The following PTPA variants were observed in gnomAD, a reference collection of about 807,000 sequenced individuals.
PTPA encodes the protein serine/threonine-protein phosphatase 2A activator.
In PTPA, 13 loss-of-function variants were observed where a neutral mutation model predicts 43.6. The observed-to-expected ratio is 0.30, with a 90% CI of 0.19 to 0.47. PTPA has a LOEUF of 0.47. Among genes scored for constraint, PTPA ranks in the 20% least tolerant of loss-of-function variants. PTPA has a pLI of 0.99. For missense variants in PTPA, 329 were observed against 411.9 expected (o/e 0.80, Z 1.74); for synonymous variants, 172 against 158.2 (o/e 1.09, Z -0.66).
intron 1 of PTPA, among the ~76,000 whole-genome samples, chr9:129,112,227 A>G (rs982264411): frequency 6.6e-6 from 1 of 152,180 alleles, no homozygotes; most frequent in African/African-American, 2.4e-5. Context: ...TCTCTCCGGC[A>G]TCTCCTTCGG....
rs547651541 is a variant in PTPA at position 129,122,542 on chromosome 9, G to A, written c.130-510G>A. Among the ~76,000 whole-genome samples, 8 of 152,306 alleles carry A rather than the reference G, an allele frequency of 5.3e-5. No homozygotes were observed. In the East Asian group the frequency reaches 1.2e-3, roughly 22 times the overall value. On this transcript the variant is annotated intron_variant, in intron 2 of 9. Transcript: ENST00000393370. Reference sequence around the variant, plus strand: ...GCACTCCAACTAGACAGCCTGGCCCGCCTTTGGTCGCTGATTGCTGGGGGT... The same window carrying A: ...GCACTCCAACTAGACAGCCTGGCCCACCTTTGGTCGCTGATTGCTGGGGGT...
At chr9:129,111,723 G>C in intron 1 of PTPA, 92 bp downstream of exon 1, 1 of 1,240,956 alleles carries the variant, frequency 8.1e-7, no homozygotes, top group African/African-American at 1.6e-5. Flanking sequence ...GTCATGACAC[G>C]GAGGAACTGG....
At chr9:129,119,294 G>A (rs781763595) in intron 1 of PTPA, among the ~76,000 whole-genome samples, 1 of 150,730 alleles carries the variant, frequency 6.6e-6, no homozygotes, top group Non-Finnish European at 1.5e-5. Flanking sequence ...ACCACACCTA[G>A]CCAGATGTTT....
Position 129,142,288 on chromosome 9 carries a change from G to A in PTPA, c.787-157G>A, listed in dbSNP as rs1850918948. 5 of 600,616 alleles carry A rather than the reference G, an allele frequency of 8.3e-6. No individual in the cohort carries two copies. The South Asian group carries it at 1.2e-4, about 14-fold the overall frequency. 37.2% of individuals were successfully genotyped at this position (600,616 alleles called of 1,614,324 possible). A position where few individuals can be genotyped will look rare whatever the true frequency, so the allele number is the denominator to read the frequency against. The stretch of plus-strand genomic sequence containing the variant: ...TTGTATGTTTGCCCCTCAGGCAGAT[G>A]CTATAGCTTGGTCCCCAAGTGTCTG... On this transcript the variant is annotated intron_variant, in intron 8 of 9. Coordinates refer to ENST00000393370, the MANE Select transcript of PTPA (RefSeq NM_178000.3).
At chr9:129,143,910 G>A (rs1271226786) in intron 9 of PTPA, among the ~76,000 whole-genome samples, 1 of 151,638 alleles carries the variant, frequency 6.6e-6, no homozygotes, top group Non-Finnish European at 1.5e-5. Context: ...ACTCTGCTGT[G>A]CCCCGCCTCC....
intron 8 of PTPA, chr9:129,142,087 A>G: frequency 4.9e-6 from 1 of 204,140 alleles, no homozygotes; most frequent in African/African-American, 2.3e-5. Context: ...GCTCAGGTGG[A>G]GATCTTATCT....
chr9:129,121,887 C>T (rs1175321326), intron 2 of PTPA, among the ~76,000 whole-genome samples: 1 of 152,190 alleles, frequency 6.6e-6, no homozygotes, highest in African/African-American at 2.4e-5. Flanking sequence ...TTTGGAGAGG[C>T]CTGGCCTGCT....
intron 9 of PTPA, among the ~76,000 whole-genome samples, chr9:129,145,265 A>G (rs1330958268): frequency 1.3e-5 from 2 of 149,830 alleles, no homozygotes; most frequent in African/African-American, 2.5e-5. Context: ...TGGGAGGTGG[A>G]GGTTGCAGTG....
intron 1 of PTPA, 79 bp from the exon 2 acceptor site, chr9:129,120,434 A>AG (rs1849176143): frequency 1.0e-6 from 1 of 973,550 alleles, no homozygotes; most frequent in East Asian, 2.7e-5. Context: ...CAAGAAAAAA[A>AG]AAAAAGGTGA....
At chr9:129,114,914 G>A (rs1848767692) in intron 1 of PTPA, among the ~76,000 whole-genome samples, 2 of 152,190 alleles carry the variant, frequency 1.3e-5, no homozygotes, top group Non-Finnish European at 2.9e-5. Flanking sequence ...TCCTGGTAAG[G>A]TAGCCTTTTC....
chr9:129,128,564 T>C (rs1367348953), intron 3 of PTPA, among the ~76,000 whole-genome samples: 2 of 151,912 alleles, frequency 1.3e-5, no homozygotes, highest in African/African-American at 4.8e-5. Flanking sequence ...GTTTAGTGTA[T>C]TTCTGGGTGG....
intron 9 of PTPA, chr9:129,143,247 C>T (rs1851028505): frequency 1.4e-6 from 1 of 696,392 alleles, no homozygotes; most frequent in Non-Finnish European, 2.6e-6. Context: ...TCTGTCCCTT[C>T]TGCTAGCTCC....
In PTPA at chr9:129,136,510, G is replaced by C; in HGVS notation, c.600G>C (p.Arg200Ser). The C allele has an allele frequency of 6.2e-7, 1 of 1,613,910 alleles. No individual in the cohort carries two copies. The highest frequency in any genetic ancestry group is 8.5e-7 in the Non-Finnish European group (1 of 1,179,856). ...EVMRKLQKTY[R>S]MEPAGSQGVW... Reference sequence around the variant, plus strand: ...TGCGGAAACTCCAGAAAACATACAGGATGGAGCCAGCCGGCAGCCAGGGAG... The same window carrying C: ...TGCGGAAACTCCAGAAAACATACAGCATGGAGCCAGCCGGCAGCCAGGGAG... Residue 200 changes from arginine to serine, a missense_variant, in exon 7 of 10, where the codon AGG becomes AGC. Transcript: ENST00000393370.
chr9:129,131,375 C>T (rs1849956035), intron 4 of PTPA, 147 bp from the exon 5 acceptor site: 3 of 653,758 alleles, frequency 4.6e-6, no homozygotes, highest in Non-Finnish European at 8.2e-6. Context: ...TGCTGTCCCT[C>T]CCCTTCCTTC....
chr9:129,136,943 A>G (rs1850411182), intron 7 of PTPA, among the ~76,000 whole-genome samples: 1 of 151,912 alleles, frequency 6.6e-6, no homozygotes, highest in Admixed American at 6.6e-5. Flanking sequence ...AAAATGAGGG[A>G]CCCTTTTGAT....
chr9:129,128,996 A>G lies in PTPA; in HGVS notation c.228A>G (p.Lys76=). The G allele has an allele frequency of 6.2e-7, 1 of 1,613,180 alleles. No homozygotes were observed. The highest frequency in any genetic ancestry group is 1.3e-5 in the African/African-American group (1 of 75,000). ...FEYRVSEAIE[K]LVALLNTLDR... ...TTTTGCCTCCACAGGCCATTGAGAA[A>G]CTAGTCGCTCTTCTCAACACGCTGG... The change falls in exon 4 of 10, where the codon AAA becomes AAG. Residue 76 remains lysine, a synonymous_variant. Transcript: ENST00000393370.
intron 8 of PTPA, among the ~76,000 whole-genome samples, chr9:129,140,683 A>G (rs1850728311): frequency 6.6e-6 from 1 of 152,080 alleles, no homozygotes; most frequent in Admixed American, 6.5e-5. Context: ...TTGCTTGCTC[A>G]GAGGGCCCTG....
intron 8 of PTPA, among the ~76,000 whole-genome samples, chr9:129,138,641 T>G (rs713219): frequency 6.6e-6 from 1 of 151,936 alleles, no homozygotes; most frequent in Admixed American, 6.6e-5. Flanking sequence ...TCAGTGAGGT[T>G]CCTAGCAGGC....
intron 8 of PTPA, among the ~76,000 whole-genome samples, chr9:129,138,791 A>C (rs759656717): frequency 1.3e-5 from 2 of 152,250 alleles, no homozygotes; most frequent in Non-Finnish European, 2.9e-5. Context: ...GGCTTCTGCC[A>C]AACTCCAGAG....
Sources: gnomAD v4.1 joint callset for allele counts (sites outside exome capture counted in the v4.1 genomes callset) on GRCh38, gnomAD v4.1.1 for gene constraint, MANE v1.5 for transcripts, NCBI Gene and HGNC (gene_info 2026-07-23, HGNC 2026-07-21) for gene names.